Variants in NAALADL2 observed in about 807,000 individuals in gnomAD.
NAALADL2 encodes inactive N-acetylated-alpha-linked acidic dipeptidase-like protein 2.
NAALADL2 carries 76 observed loss-of-function variants against 87.2 expected under a neutral mutation model. The ratio of observed to expected loss-of-function variants is 0.87; its 90% CI spans 0.72 to 1.05. The LOEUF (loss-of-function observed/expected upper bound fraction) is 1.05. Ranked by LOEUF, NAALADL2 falls within the 50% of genes least tolerant of loss-of-function variation. NAALADL2 has a pLI of 0.00. For missense variants in NAALADL2, 1,089 were observed against 945.8 expected, an observed-to-expected ratio of 1.15 and a Z score of -1.99; for synonymous variants, 354 against 331.0, an observed-to-expected ratio of 1.07 and a Z score of -0.75.
intron 2 of NAALADL2, among the ~76,000 whole-genome samples, chr3:175,211,816 T>G (rs1008049636): frequency 6.6e-6 from 1 of 151,992 alleles, no homozygotes; most frequent in East Asian, 1.9e-4. Flanking sequence ...GCTCTTAAAT[T>G]TTCTTGTTTT....
At chr3:174,924,913 G>A (rs961055022) in intron 1 of NAALADL2, among the ~76,000 whole-genome samples, 3 of 152,044 alleles carry the variant, frequency 2.0e-5, no homozygotes, top group Non-Finnish European at 4.4e-5. Context: ...TTTTTGATGG[G>A]GTTGTTTGTT....
intron 9 of NAALADL2, among the ~76,000 whole-genome samples, chr3:175,556,470 T>C (rs1277704135): frequency 1.3e-5 from 2 of 152,156 alleles, no homozygotes; most frequent in Admixed American, 1.3e-4. Context: ...TAAGATAATA[T>C]ACCTTAAAAA....
intron 13 of NAALADL2, among the ~76,000 whole-genome samples, chr3:175,766,254 T>C (rs1705804197): frequency 6.6e-6 from 1 of 152,104 alleles, no homozygotes; most frequent in African/African-American, 2.4e-5. Context: ...AGATGTAATT[T>C]AAAAAGTAGG....
chr3:175,387,309 A>G (rs556613890), intron 5 of NAALADL2, among the ~76,000 whole-genome samples: 3 of 152,234 alleles, frequency 2.0e-5, no homozygotes, highest in Admixed American at 6.5e-5. Context: ...GAGTATTACA[A>G]AATTAAAGTG....
chr3:175,505,557 CT>C (rs1730197989), intron 9 of NAALADL2, among the ~76,000 whole-genome samples: 1 of 151,584 alleles, frequency 6.6e-6, no homozygotes, highest in Non-Finnish European at 1.5e-5. Flanking sequence ...TTTTTGTTGA[CT>C]TTTGGTTTGA....
intron 2 of NAALADL2, among the ~76,000 whole-genome samples, chr3:175,116,446 A>G (rs182775586): frequency 1.2e-3 from 184 of 151,152 alleles, no homozygotes; most frequent in African/African-American, 4.3e-3. Context: ...ATAACAGACA[A>G]ACAGAGAGCC....
intron 4 of NAALADL2, among the ~76,000 whole-genome samples, chr3:175,312,402 A>G (rs115067622): frequency 0.026 from 3,878 of 151,034 alleles, 88 homozygotes; most frequent in Admixed American, 0.067. Flanking sequence ...TATTGTTTCT[A>G]TGTACATTAA....
intron 13 of NAALADL2, among the ~76,000 whole-genome samples, chr3:175,780,249 C>T (rs1576801514): frequency 6.6e-6 from 1 of 151,306 alleles, no homozygotes; most frequent in Non-Finnish European, 1.5e-5. Context: ...GCACTCCAGC[C>T]TGGGTGACAG....
chr3:174,725,419 T>C (rs1732087063), intron 2 of NAALADL2, among the ~76,000 whole-genome samples: 1 of 152,198 alleles, frequency 6.6e-6, no homozygotes, highest in Non-Finnish European at 1.5e-5. Flanking sequence ...TTATAGGCTG[T>C]TTTTAGTGGG....
In NAALADL2 at chr3:175,110,269, A is replaced by C. The variant is rs148849546; in HGVS notation, c.545+12978A>C. On this transcript the variant is annotated intron_variant, in intron 2 of 13. Coordinates refer to ENST00000454872, the MANE Select transcript of NAALADL2 (RefSeq NM_207015.3). ...CATTTTAATCAGTTGCAATCATTTA[A>C]ATTAGTTGAACTTTGCTAATTATAT... Among the ~76,000 whole-genome samples, 546 of 151,948 alleles carry C rather than the reference A, an allele frequency of 3.6e-3. 4 individuals are homozygous for C. The highest frequency in any genetic ancestry group is 0.012 in the African/African-American group (518 of 41,500).
At chr3:175,418,900 G>A (rs1204802868) in intron 5 of NAALADL2, among the ~76,000 whole-genome samples, 2 of 152,130 alleles carry the variant, frequency 1.3e-5, no homozygotes, top group Non-Finnish European at 2.9e-5. Flanking sequence ...CTTGAATTTT[G>A]AACAGTCGAG....
rs143335713 is a variant in NAALADL2 at position 175,755,605 on chromosome 3, C to G, written c.2189+187C>G. Among the ~76,000 whole-genome samples the G allele has an allele frequency of 8.1e-4, 124 of 152,194 alleles. 1 individual carries two copies. In the East Asian group the frequency reaches 0.015, roughly 18 times the overall value. On this transcript the variant is annotated intron_variant, in intron 13 of 13. Coordinates refer to ENST00000454872, the MANE Select transcript of NAALADL2 (RefSeq NM_207015.3). ...CTGCAGAAATATAAAATAATGGAAA[C>G]TTGGCTTAGCAGCAGCACAGAAAAA...
At chr3:175,412,146 G>A (rs533399043) in intron 5 of NAALADL2, among the ~76,000 whole-genome samples, 18 of 152,232 alleles carry the variant, frequency 1.2e-4, no homozygotes, top group African/African-American at 2.2e-4. Flanking sequence ...TATAATCAAC[G>A]TATTTTTATT....
chr3:174,853,202 A>C (rs927068487), intron 3 of NAALADL2, among the ~76,000 whole-genome samples: 1 of 60,396 alleles, frequency 1.7e-5, no homozygotes, highest in African/African-American at 7.9e-5. Flanking sequence ...CGTCTCTACC[A>C]AAAAAAAAAA....
At chr3:175,333,526 G>A (rs145444484) in intron 5 of NAALADL2, among the ~76,000 whole-genome samples, 4 of 152,284 alleles carry the variant, frequency 2.6e-5, no homozygotes, top group African/African-American at 4.8e-5. Flanking sequence ...AGCAACAGGG[G>A]TGGAACTGGA....
chr3:175,268,127 T>G (rs777273823), intron 4 of NAALADL2, among the ~76,000 whole-genome samples: 7 of 152,154 alleles, frequency 4.6e-5, no homozygotes, highest in African/African-American at 7.2e-5. Context: ...GTTGTTGTTG[T>G]TGGTGTTGTG....
At chr3:174,446,845 A>G (rs1715090928) in intron 1 of NAALADL2, among the ~76,000 whole-genome samples, 1 of 152,102 alleles carries the variant, frequency 6.6e-6, no homozygotes, top group Non-Finnish European at 1.5e-5. Context: ...GAAATTTTTG[A>G]TCACCTTCAG....
At chr3:174,938,845 T>C (rs191586672) in intron 1 of NAALADL2, among the ~76,000 whole-genome samples, 18 of 152,268 alleles carry the variant, frequency 1.2e-4, no homozygotes, top group African/African-American at 3.6e-4. Flanking sequence ...GTTCATATCC[T>C]TTGTCTACTT....
chr3:174,496,068 G>T (rs1718515888), intron 1 of NAALADL2, among the ~76,000 whole-genome samples: 1 of 152,130 alleles, frequency 6.6e-6, no homozygotes, highest in East Asian at 1.9e-4. Context: ...TGGTTTGGCA[G>T]CTGTGCTAGG....
Sources: allele counts gnomAD v4.1 joint callset (sites outside exome capture counted in the v4.1 genomes callset), GRCh38; gene constraint gnomAD v4.1.1; transcripts MANE v1.5; gene names NCBI Gene and HGNC (gene_info 2026-07-23, HGNC 2026-07-21).